The following URI1 variants were observed in gnomAD, a reference collection of about 807,000 sequenced individuals.
The protein encoded by URI1 is unconventional prefoldin RPB5 interactor 1.
A neutral mutation model predicts 60.2 loss-of-function variants in URI1; 39 were observed. That is an observed-to-expected ratio of 0.65 (90% CI 0.50 to 0.85). The LOEUF is 0.85. Among genes scored for constraint, URI1 ranks in the 40% least tolerant of loss-of-function variants. The pLI, the probability that URI1 is intolerant of heterozygous loss-of-function variation, is 0.00. For missense variants in URI1, 691 were observed against 665.9 expected (o/e 1.04, Z -0.42); for synonymous variants, 251 against 236.8 (o/e 1.06, Z -0.55).
chr19:29,986,664 C>T (rs10404834), intron 4 of URI1, among the ~76,000 whole-genome samples: 2,466 of 152,142 alleles, frequency 0.016, 73 homozygotes, highest in African/African-American at 0.057. Flanking sequence ...GTTTCAAAGT[C>T]ATTATGTGAT....
intron 10 of URI1, among the ~76,000 whole-genome samples, chr19:30,013,255 T>C (rs2056045555): frequency 6.6e-6 from 1 of 152,196 alleles, no homozygotes; most frequent in Non-Finnish European, 1.5e-5. Flanking sequence ...ATCAAACCAG[T>C]GTACACATTT....
intron 4 of URI1, among the ~76,000 whole-genome samples, chr19:29,998,820 T>C (rs2055843788): frequency 6.6e-6 from 1 of 152,114 alleles, no homozygotes. Flanking sequence ...TAGTAATTAC[T>C]GATGGGGGAA....
chr19:29,946,673 A>C (rs1001775096), intron 1 of URI1, among the ~76,000 whole-genome samples: 2 of 152,256 alleles, frequency 1.3e-5, no homozygotes, highest in Admixed American at 6.5e-5. Context: ...ATTTAACTTA[A>C]TGGAGGGTTT....
At chr19:30,000,719 T>G (rs1354588127) in intron 4 of URI1, among the ~76,000 whole-genome samples, 1 of 151,992 alleles carries the variant, frequency 6.6e-6, no homozygotes, top group African/African-American at 2.4e-5. Flanking sequence ...CCCCATGATC[T>G]GGAATACAAC....
chr19:29,933,758 G>C (rs775134304), intron 1 of URI1, among the ~76,000 whole-genome samples: 1 of 151,470 alleles, frequency 6.6e-6, no homozygotes, highest in South Asian at 2.1e-4. Context: ...GGAGGCGGAG[G>C]TTGCAGTGAG....
At chr19:29,998,120 A>G (rs1199816260) in intron 4 of URI1, among the ~76,000 whole-genome samples, 1 of 152,104 alleles carries the variant, frequency 6.6e-6, no homozygotes, top group Non-Finnish European at 1.5e-5. Flanking sequence ...AAATTTTCAT[A>G]TATTTATGAC....
intron 1 of URI1, among the ~76,000 whole-genome samples, chr19:29,963,463 A>G (rs949594461): frequency 6.6e-6 from 1 of 152,096 alleles, no homozygotes; most frequent in African/African-American, 2.4e-5. Context: ...TCAGTTCTCT[A>G]GTGAAAATTG....
At chr19:29,935,527 G>C (rs1248683220) in intron 1 of URI1, among the ~76,000 whole-genome samples, 2 of 151,760 alleles carry the variant, frequency 1.3e-5, no homozygotes, top group Admixed American at 1.3e-4. Context: ...TCATGGCTTT[G>C]AATTACTATC....
Position 30,015,142 on chromosome 19 carries a change from T to C in URI1, c.*73T>C. The C allele has an allele frequency of 1.9e-6, 3 of 1,539,592 alleles. No homozygotes were observed. The highest frequency in any genetic ancestry group is 2.3e-5 in the East Asian group (1 of 43,616). ...TTTGTTTAGAGTATCTATAGCAAAATAGGTTACATGTAGTTTGAAATAAGG... is the reference window on the plus strand; with the variant it reads ...TTTGTTTAGAGTATCTATAGCAAAACAGGTTACATGTAGTTTGAAATAAGG... On this transcript the variant is annotated 3_prime_UTR_variant, in exon 11 of 11. Transcript: ENST00000392271.
intron 4 of URI1, among the ~76,000 whole-genome samples, chr19:29,997,045 A>C (rs567499593): frequency 6.6e-6 from 1 of 152,148 alleles, no homozygotes; most frequent in South Asian, 2.1e-4. Flanking sequence ...ATGTATATTC[A>C]TAAGAGAAAT....
chr19:30,013,031 C>A (rs2145455014), intron 10 of URI1: 1 of 152,966 alleles, frequency 6.5e-6, no homozygotes, highest in Non-Finnish European at 1.5e-5. Context: ...AAGCTGTAGA[C>A]CCTGTCCATA....
rs1189778606 is a variant in URI1, at chr19:30,011,381, A to G, written c.1178+145A>G. The G allele has an allele frequency of 1.8e-5, 19 of 1,073,762 alleles. No homozygotes were observed. The East Asian group carries it at 5.6e-4, about 32-fold the overall frequency. 66.5% of individuals were successfully genotyped at this position (1,073,762 alleles called of 1,614,324 possible). On this transcript the variant is annotated intron_variant, in intron 9 of 10. Transcript: ENST00000392271. ...CTGAGGAGTTAACTTAGGATCTGAT[A>G]GGCTGACCGGCTGTAGCTTCCCAGT...
intron 1 of URI1, among the ~76,000 whole-genome samples, chr19:29,951,141 T>A (rs1445111042): frequency 1.3e-5 from 2 of 152,092 alleles, no homozygotes; most frequent in Non-Finnish European, 2.9e-5. Flanking sequence ...TGATGATGAC[T>A]TTCCATTGCA....
At chr19:29,954,585 G>A (rs1334879876) in intron 1 of URI1, among the ~76,000 whole-genome samples, 1 of 148,994 alleles carries the variant, frequency 6.7e-6, no homozygotes. Flanking sequence ...CGCAATCTCG[G>A]CTCACTGCAA....
chr19:29,924,399 C>T (rs2054847752), intron 1 of URI1, among the ~76,000 whole-genome samples: 1 of 152,174 alleles, frequency 6.6e-6, no homozygotes, highest in Non-Finnish European at 1.5e-5. Context: ...GTTTCAAGGA[C>T]AGGAGCCCCC....
chr19:29,926,291 C>CCT (rs1491264929), intron 1 of URI1, among the ~76,000 whole-genome samples: 6 of 127,246 alleles, frequency 4.7e-5, no homozygotes, highest in African/African-American at 1.0e-4. Flanking sequence ...TTCCTACCTT[C>CCT]TTTCCTTCAA....
At chr19:30,009,886 T>A (rs1162264838) in intron 8 of URI1, among the ~76,000 whole-genome samples, 1 of 151,996 alleles carries the variant, frequency 6.6e-6, no homozygotes, top group East Asian at 1.9e-4. Context: ...GAGCTGGGGG[T>A]GACTGGAGAT....
At chr19:30,010,524 G>A (rs966475067) in intron 8 of URI1, among the ~76,000 whole-genome samples, 2 of 152,160 alleles carry the variant, frequency 1.3e-5, no homozygotes, top group Non-Finnish European at 2.9e-5. Context: ...AACGTTACAG[G>A]TAATAGTGGT....
intron 1 of URI1, among the ~76,000 whole-genome samples, chr19:29,969,900 GTTA>G (rs1156416375): frequency 2.6e-5 from 4 of 152,034 alleles, no homozygotes; most frequent in African/African-American, 9.7e-5. Context: ...TATTGCCACT[GTTA>G]TTAAGTGTTG....
Sources: gnomAD v4.1 joint callset for allele counts (sites outside exome capture counted in the v4.1 genomes callset) on GRCh38, gnomAD v4.1.1 for gene constraint, MANE v1.5 for transcripts, NCBI Gene and HGNC (gene_info 2026-07-23, HGNC 2026-07-21) for gene names.